The following PIK3CB variants were observed in gnomAD, a reference collection of about 807,000 sequenced individuals.
PIK3CB encodes the protein phosphatidylinositol-4,5-bisphosphate 3-kinase catalytic subunit beta, also known as phosphatidylinositol 4,5-bisphosphate 3-kinase catalytic subunit beta isoform.
In PIK3CB, 39 loss-of-function variants were observed where a neutral mutation model predicts 136.8. The ratio of observed to expected loss-of-function variants is 0.29; its 90% CI spans 0.22 to 0.37. PIK3CB has a LOEUF of 0.37. Ranked by LOEUF, PIK3CB falls within the 10% of genes least tolerant of loss-of-function variation. PIK3CB has a pLI of 1.00. For synonymous variants in PIK3CB, 428 were observed against 436.6 expected, an observed-to-expected ratio of 0.98 and a Z score of 0.25; for missense variants, 868 against 1,275.4, an observed-to-expected ratio of 0.68 and a Z score of 4.87.
At chr3:138,667,207 CAAAAAAAAAAAA>C (rs149370978) in intron 19 of PIK3CB, among the ~76,000 whole-genome samples, 17 of 72,678 alleles carry the variant, frequency 2.3e-4, no homozygotes, top group Non-Finnish European at 7.6e-5. Flanking sequence ...GACTCTGTCT[CAAAAAAAAAAAA>C]AAAAAAAAAA....
intron 2 of PIK3CB, among the ~76,000 whole-genome samples, chr3:138,769,153 A>G (rs1398666520): frequency 3.3e-5 from 5 of 152,342 alleles, no homozygotes; most frequent in African/African-American, 1.2e-4. Flanking sequence ...TCCACAGAGC[A>G]TGCAGCCCCG....
At chr3:138,788,965 AAAAAAAAAAAAAAAAAAAAAAAAAAAAC>A (rs898532190) in intron 2 of PIK3CB, among the ~76,000 whole-genome samples, 1 of 18,220 alleles carries the variant, frequency 5.5e-5, no homozygotes, top group African/African-American at 3.3e-4. Context: ...ACTTCGTCTC[AAAAAAAAAAAAAAAAAAAAAAAAAAAAC>A]AAAAAACAAC....
At chr3:138,655,666 T>C (rs1254326879) in intron 23 of PIK3CB, 140 bp from the exon 24 acceptor site, 1 of 662,166 alleles carries the variant, frequency 1.5e-6, no homozygotes, top group Non-Finnish European at 2.7e-6. Context: ...TTAAATATCA[T>C]CTGCAGGAGG....
chr3:138,741,116 T>C (rs2045234838), intron 5 of PIK3CB, among the ~76,000 whole-genome samples: 1 of 152,226 alleles, frequency 6.6e-6, no homozygotes, highest in Non-Finnish European at 1.5e-5. Flanking sequence ...GAATGACAAA[T>C]GGTGTTTTTC....
At chr3:138,778,208 C>T (rs2045882849) in intron 2 of PIK3CB, 2 of 458,278 alleles carry the variant, frequency 4.4e-6, no homozygotes, top group African/African-American at 4.0e-5. Flanking sequence ...GCTGATGCCC[C>T]CATGTTTGTA....
At chr3:138,806,282 T>C (rs1169616962) in intron 1 of PIK3CB, among the ~76,000 whole-genome samples, 1 of 152,060 alleles carries the variant, frequency 6.6e-6, no homozygotes, top group African/African-American at 2.4e-5. Context: ...GGTCAAAAGT[T>C]CGAGACCAGC....
chr3:138,727,912 C>G (rs1353878775), intron 8 of PIK3CB, among the ~76,000 whole-genome samples: 1 of 152,002 alleles, frequency 6.6e-6, no homozygotes, highest in East Asian at 1.9e-4. Context: ...GGCTGGAGTG[C>G]AATGGTGTGA....
intron 11 of PIK3CB, among the ~76,000 whole-genome samples, chr3:138,705,093 G>A (rs1451239767): frequency 7.4e-6 from 1 of 134,344 alleles, no homozygotes; most frequent in African/African-American, 2.8e-5. Context: ...TATATTCAAA[G>A]ACTAAAATCT....
At chr3:138,709,233 T>C (rs1353162702) in intron 10 of PIK3CB, among the ~76,000 whole-genome samples, 1 of 152,106 alleles carries the variant, frequency 6.6e-6, no homozygotes, top group African/African-American at 2.4e-5. Context: ...ATATACACTG[T>C]ACATAAGCAT....
intron 1 of PIK3CB, among the ~76,000 whole-genome samples, chr3:138,816,067 C>T (rs1182306510): frequency 3.9e-5 from 6 of 152,098 alleles, no homozygotes; most frequent in Non-Finnish European, 5.9e-5. Flanking sequence ...TTTGGGAGAC[C>T]GAGGCAGGTG....
chr3:138,696,564 A>G (rs71312589), intron 13 of PIK3CB, among the ~76,000 whole-genome samples: 1 of 152,138 alleles, frequency 6.6e-6, no homozygotes, highest in Non-Finnish European at 1.5e-5. Flanking sequence ...TTTTTTATGT[A>G]TAAAGCACAG....
intron 2 of PIK3CB, among the ~76,000 whole-genome samples, chr3:138,782,579 C>T (rs929191029): frequency 5.3e-5 from 8 of 152,174 alleles, no homozygotes; most frequent in Non-Finnish European, 1.5e-5. Context: ...TTAGCGGATA[C>T]ACATTCCAAC....
At chr3:138,785,568 G>T (rs190728962) in intron 2 of PIK3CB, among the ~76,000 whole-genome samples, 91 of 152,188 alleles carry the variant, frequency 6.0e-4, no homozygotes, top group African/African-American at 2.0e-3. Context: ...AGGGTTAAAT[G>T]GATTAAGGAC....
chr3:138,766,953 T>A (rs1226304571), intron 2 of PIK3CB, among the ~76,000 whole-genome samples: 1 of 152,148 alleles, frequency 6.6e-6, no homozygotes, highest in Non-Finnish European at 1.5e-5. Flanking sequence ...TTAAGCTAAA[T>A]ATTCTCCAGA....
chr3:138,721,167 G>A (rs1237755700), intron 8 of PIK3CB, among the ~76,000 whole-genome samples: 3 of 146,420 alleles, frequency 2.0e-5, no homozygotes, highest in Non-Finnish European at 4.5e-5. Context: ...ATATCCTTAA[G>A]TTTTTTTTTT....
intron 2 of PIK3CB, among the ~76,000 whole-genome samples, chr3:138,793,416 G>A (rs774221141): frequency 1.3e-5 from 2 of 151,170 alleles, no homozygotes; most frequent in South Asian, 2.1e-4. Context: ...GACCAGCCCC[G>A]TCAACATGGT....
At chr3:138,710,023 C>CAA (rs34985570) in intron 10 of PIK3CB, among the ~76,000 whole-genome samples, 7 of 91,926 alleles carry the variant, frequency 7.6e-5, no homozygotes, top group African/African-American at 1.2e-4. Flanking sequence ...ACAAAAAATA[C>CAA]AAAAAAAAAA....
intron 2 of PIK3CB, among the ~76,000 whole-genome samples, chr3:138,781,713 G>T (rs951763658): frequency 6.6e-6 from 1 of 151,994 alleles, no homozygotes; most frequent in Non-Finnish European, 1.5e-5. Context: ...CCTCGGCCTC[G>T]CAAAGTGCTG....
chr3:138,820,378 G>A (rs914790649), intron 1 of PIK3CB, among the ~76,000 whole-genome samples: 2 of 152,186 alleles, frequency 1.3e-5, no homozygotes, highest in African/African-American at 4.8e-5. Flanking sequence ...AGGAATAAAT[G>A]TAATAACAAT....
Sources: allele counts gnomAD v4.1 joint callset (sites outside exome capture counted in the v4.1 genomes callset), GRCh38; gene constraint gnomAD v4.1.1; transcripts MANE v1.5; gene names NCBI Gene and HGNC (gene_info 2026-07-23, HGNC 2026-07-21).